Variants in MBLAC2 observed in about 807,000 individuals in gnomAD.
MBLAC2 encodes acyl-coenzyme A thioesterase MBLAC2.
A neutral mutation model predicts 23.3 loss-of-function variants in MBLAC2; 24 were observed. The ratio of observed to expected loss-of-function variants is 1.03; its 90% confidence interval spans 0.75 to 1.45. The LOEUF (loss-of-function observed/expected upper bound fraction) is 1.45, where lower values mean the gene tolerates loss of function less well. Ranked by LOEUF, MBLAC2 falls within the 40% of genes most tolerant of loss-of-function variation. The pLI, the probability that MBLAC2 is intolerant of heterozygous loss-of-function variation, is 0.00. For synonymous variants in MBLAC2, 162 were observed against 150.9 expected (o/e 1.07, Z -0.54); for missense variants, 358 against 370.0 (o/e 0.97, Z 0.27).
chr5:90,473,826 G>A lies in MBLAC2; in HGVS notation c.454+13C>T. The A allele has an allele frequency of 6.4e-7, 1 of 1,562,258 alleles. No homozygotes were observed. Among genetic ancestry groups the A allele is most frequent in the Non-Finnish European group, 8.7e-7 (1 of 1,153,136 alleles). The stretch of plus-strand genomic sequence containing the variant: ...TCCCTTAACGAGAGCGCGCGCCCGC[G>A]GGGGCCCATTACCATCCTGCAGGAT... On this transcript the variant is annotated intron_variant, in intron 1 of 1. Coordinates refer to ENST00000316610, the MANE Select transcript of MBLAC2 (RefSeq NM_203406.2).
chr5:90,461,462 C>T lies in MBLAC2; in HGVS notation c.545G>A (p.Arg182Gln), dbSNP rs142156537. ...RGSICLHDKD[R>Q]KILFSGDVVY... ...GACGTCTCCACTGAAGAGAATCTTTCGGTCTTTGTCATGTAAGCAAATACT... is the reference window on the plus strand; with the variant it reads ...GACGTCTCCACTGAAGAGAATCTTTTGGTCTTTGTCATGTAAGCAAATACT... The change falls in exon 2 of 2, where the codon CGA becomes CAA. Residue 182 changes from arginine (R) to glutamine (Q), a missense_variant. Coordinates refer to ENST00000316610, the MANE Select transcript of MBLAC2 (RefSeq NM_203406.2). 5.0e-5 allele frequency: 81 copies of T among 1,614,128 alleles called. No individual in the cohort carries two copies. Among genetic ancestry groups the T allele is most frequent in the Middle Eastern group, 3.3e-4 (2 of 6,062 alleles).
Position 90,461,505 on chromosome 5 carries a change from G to T in MBLAC2, c.502C>A (p.Pro168Thr). The change falls in exon 2 of 2, where the codon CCA (proline) becomes ACA (threonine). Residue 168 changes from proline (P) to threonine (T), a missense_variant. Physicochemically the swap from Pro to Thr is conservative, Grantham distance 38. Coordinates refer to ENST00000316610, the MANE Select transcript of MBLAC2 (RefSeq NM_203406.2). ...GDRQLTVMHM[P>T]GHSRGSICLH... ...CAAATACTGCCCCTGGAGTGACCTG[G>T]CATGTGCATAACAGTGAGCTGTCTG... 1 of 1,613,944 alleles carries T rather than the reference G, an allele frequency of 6.2e-7. No homozygotes were observed. The highest frequency in any genetic ancestry group is 8.5e-7 in the Non-Finnish European group (1 of 1,179,894).
chr5:90,466,863 C>A (rs918807224), intron 1 of MBLAC2, among the ~76,000 whole-genome samples: 3 of 152,124 alleles, frequency 2.0e-5, no homozygotes, highest in African/African-American at 7.2e-5. Flanking sequence ...GTGAGCTGGG[C>A]GCACTGGCTC....
At chr5:90,466,648 CAAT>C (rs1216511035) in intron 1 of MBLAC2, among the ~76,000 whole-genome samples, 2 of 151,950 alleles carry the variant, frequency 1.3e-5, no homozygotes, top group Non-Finnish European at 2.9e-5. Context: ...TTGCATAACT[CAAT>C]AATAAAAAAG....
intron 1 of MBLAC2, among the ~76,000 whole-genome samples, chr5:90,463,276 G>A (rs1440287637): frequency 6.6e-6 from 1 of 152,192 alleles, no homozygotes; most frequent in Admixed American, 6.5e-5. Flanking sequence ...TAGAGACAGG[G>A]TTTCGCCATG....
Position 90,459,604 on chromosome 5 carries a change from C to G in MBLAC2, c.*1563G>C, listed in dbSNP as rs556052928. 2.0e-5 allele frequency: 3 copies of G among 152,098 alleles called. No homozygotes were observed. The highest frequency in any genetic ancestry group is 4.4e-5 in the Non-Finnish European group (3 of 68,008). 9.4% of individuals were successfully genotyped at this position (152,098 alleles called of 1,614,324 possible). A position where few individuals can be genotyped will look rare whatever the true frequency, so the allele number is the denominator to read the frequency against. Reference sequence around the variant, plus strand: ...AGTTCACACCCCTCCATTTATGTCCCTTACACGCATGTATAATGTACATTA... The same window carrying G: ...AGTTCACACCCCTCCATTTATGTCCGTTACACGCATGTATAATGTACATTA... On this transcript the variant is annotated 3_prime_UTR_variant, in exon 2 of 2. Coordinates refer to ENST00000316610, the MANE Select transcript of MBLAC2 (RefSeq NM_203406.2).
chr5:90,465,043 G>A (rs987744985), intron 1 of MBLAC2, among the ~76,000 whole-genome samples: 2 of 152,078 alleles, frequency 1.3e-5, no homozygotes, highest in Admixed American at 6.6e-5. Context: ...AGAGAGTAAG[G>A]TCTCACAGAT....
rs1213828310 is a variant in MBLAC2 at position 90,461,409 on chromosome 5, G to C, written c.598C>G (p.Leu200Val). The change falls in exon 2 of 2, where the codon CTC (leucine) becomes GTC (valine). Residue 200 changes from leucine (L) to valine (V), a missense_variant. Transcript: ENST00000316610. ...VVYDGSLIDWLPYSRISDYVG... is the reference protein window; with the variant it reads ...VVYDGSLIDWVPYSRISDYVG... ...TAGTCACTTATCCTGCTGTATGGGAGCCAGTCAATCAGTGATCCATCATAC... is the reference window on the plus strand; with the variant it reads ...TAGTCACTTATCCTGCTGTATGGGACCCAGTCAATCAGTGATCCATCATAC... 2 of 1,614,138 alleles carry C rather than the reference G, an allele frequency of 1.2e-6. No individual in the cohort carries two copies. Among genetic ancestry groups the C allele is most frequent in the Admixed American group, 3.3e-5 (2 of 60,016 alleles).
At chr5:90,462,831 A>G (rs140296589) in intron 1 of MBLAC2, among the ~76,000 whole-genome samples, 1 of 152,334 alleles carries the variant, frequency 6.6e-6, no homozygotes, top group African/African-American at 2.4e-5. Context: ...TAGAAAATCA[A>G]TAAGGATATG....
chr5:90,474,449 A>T lies in MBLAC2; in HGVS notation c.-157T>A. 1.5e-6 allele frequency: 1 copy of T among 663,176 alleles called. No homozygotes were observed. The highest frequency in any genetic ancestry group is 2.6e-6 in the Non-Finnish European group (1 of 386,722). The allele number at this position is 663,176 out of a possible 1,614,324, so 41.1% of individuals were successfully genotyped here. The stretch of plus-strand genomic sequence containing the variant: ...GGGCGTGGGATGCGGGGGTCGGAAT[A>T]GGAGGAGGAAGGACGCAGACCGACG... On this transcript the variant is annotated 5_prime_UTR_variant, in exon 1 of 2. Coordinates refer to ENST00000316610, the MANE Select transcript of MBLAC2 (RefSeq NM_203406.2).
chr5:90,459,310 G>C lies in MBLAC2; in HGVS notation c.*1857C>G, dbSNP rs1182107275. 6.6e-6 allele frequency: 1 copy of C among 152,386 alleles called. No individual in the cohort carries two copies. The highest frequency in any genetic ancestry group is 1.5e-5 in the Non-Finnish European group (1 of 67,974). 9.4% of individuals were successfully genotyped at this position (152,386 alleles called of 1,614,324 possible). ...GATTGAAGTAAAGGTTCATTTGGTG[G>C]CATGTGGCAGTTCAGCTTGTCTCCC... On this transcript the variant is annotated 3_prime_UTR_variant, in exon 2 of 2. Transcript: ENST00000316610.
At chr5:90,467,460 C>T (rs1168603260) in intron 1 of MBLAC2, among the ~76,000 whole-genome samples, 2 of 152,152 alleles carry the variant, frequency 1.3e-5, no homozygotes, top group Non-Finnish European at 2.9e-5. Flanking sequence ...TCTTTAACTG[C>T]TGTTGCTTTA....
Position 90,473,948 on chromosome 5 carries a change from C to A in MBLAC2, c.345G>T (p.Glu115Asp), listed in dbSNP as rs768803835. 2 of 1,603,314 alleles carry A rather than the reference C, an allele frequency of 1.2e-6. No individual in the cohort carries two copies. The highest frequency in any genetic ancestry group is 2.2e-5 in the South Asian group (2 of 89,136). ...CGCTATCGGAAAGCCAGGTCACGGT[C>A]TCAAAGTTGTCCCCGCGAGCCAGCG... ...AEALARGDNFETVTWLSDSEV... is the reference protein window; with the variant it reads ...AEALARGDNFDTVTWLSDSEV... Residue 115 changes from glutamate (E) to aspartate (D), a missense_variant, in exon 1 of 2, where the codon GAG becomes GAT. By Grantham distance (45) the Glu-to-Asp change is conservative. Coordinates refer to ENST00000316610, the MANE Select transcript of MBLAC2 (RefSeq NM_203406.2).
Position 90,461,358 on chromosome 5 carries a change from C to G in MBLAC2, c.649G>C (p.Glu217Gln). 1.9e-6 allele frequency: 3 copies of G among 1,614,182 alleles called. No individual in the cohort carries two copies. Among genetic ancestry groups the G allele is most frequent in the Non-Finnish European group, 2.5e-6 (3 of 1,180,016 alleles). ...DYVGTCERLI[E>Q]LVDRGLVEKV... ...TCTACCAGACCTCTGTCCACTAATT[C>G]TATTAGACGTTCACAAGTTCCAACA... The change falls in exon 2 of 2, where the codon GAA becomes CAA. Residue 217 changes from glutamate to glutamine, a missense_variant. Physicochemically the swap from Glu to Gln is conservative, Grantham distance 29 (BLOSUM62 2). Transcript: ENST00000316610.
At chr5:90,468,270 T>G in intron 1 of MBLAC2, among the ~76,000 whole-genome samples, 1 of 152,238 alleles carries the variant, frequency 6.6e-6, no homozygotes, top group Non-Finnish European at 1.5e-5. Flanking sequence ...TTTCCTCGAT[T>G]ATTCCTTCAA....
chr5:90,458,788 A>G lies in MBLAC2; in HGVS notation c.*2379T>C, dbSNP rs1750308251. 6.6e-6 allele frequency: 1 copy of G among 152,194 alleles called. No individual in the cohort carries two copies. Among genetic ancestry groups the G allele is most frequent in the South Asian group, 2.1e-4 (1 of 4,832 alleles). The allele number at this position is 152,194 out of a possible 1,614,324, so 9.4% of individuals were successfully genotyped here. ...TTGGTGCTGGGAGTAAGATTAAATT[A>G]AATAATGCATATTTTAAATGTACAG... On this transcript the variant is annotated 3_prime_UTR_variant, in exon 2 of 2. Transcript: ENST00000316610.
rs1179871269 is a variant in MBLAC2, at chr5:90,459,588, C to T, written c.*1579G>A. Reference sequence around the variant, plus strand: ...AACTTTGCCTAACCAAAGTTCACACCCCTCCATTTATGTCCCTTACACGCA... The same window carrying T: ...AACTTTGCCTAACCAAAGTTCACACTCCTCCATTTATGTCCCTTACACGCA... On this transcript the variant is annotated 3_prime_UTR_variant, in exon 2 of 2. Coordinates refer to ENST00000316610, the MANE Select transcript of MBLAC2 (RefSeq NM_203406.2). The T allele has an allele frequency of 1.3e-5, 2 of 152,044 alleles. No homozygotes were observed. Among genetic ancestry groups the T allele is most frequent in the Non-Finnish European group, 2.9e-5 (2 of 67,970 alleles). The allele number at this position is 152,044 out of a possible 1,614,324, so 9.4% of individuals were successfully genotyped here.
Position 90,474,320 on chromosome 5 carries a change from T to C in MBLAC2, c.-28A>G. 1 of 1,602,366 alleles carries C rather than the reference T, an allele frequency of 6.2e-7. No homozygotes were observed. The highest frequency in any genetic ancestry group is 8.5e-7 in the Non-Finnish European group (1 of 1,172,990). On this transcript the variant is annotated 5_prime_UTR_variant, in exon 1 of 2. Coordinates refer to ENST00000316610, the MANE Select transcript of MBLAC2 (RefSeq NM_203406.2). ...TGGGCAGGGGTGCAGCCAGGCGGGG[T>C]GAGTGTGGGCGTGCGAGTCTCCCAC...
intron 1 of MBLAC2, among the ~76,000 whole-genome samples, chr5:90,465,054 T>C (rs940888463): frequency 6.6e-6 from 1 of 152,144 alleles, no homozygotes; most frequent in South Asian, 2.1e-4. Flanking sequence ...TCTCACAGAT[T>C]AGAAAAGAAA....
Sources: allele counts gnomAD v4.1 joint callset (sites outside exome capture counted in the v4.1 genomes callset), GRCh38; gene constraint gnomAD v4.1.1; transcripts MANE v1.5; gene names NCBI Gene and HGNC (gene_info 2026-07-23, HGNC 2026-07-21).